The following FREM2 variants were observed in gnomAD, a reference collection of about 807,000 sequenced individuals.
FREM2 encodes the protein FRAS1-related extracellular matrix protein 2.
Under a neutral mutation model 219.9 loss-of-function variants are expected in FREM2, and 119 were observed. That is an observed-to-expected ratio of 0.54 (90% CI 0.47 to 0.63). The LOEUF is 0.63. FREM2 is among the 30% of genes least tolerant of loss of function. The probability of loss-of-function intolerance (pLI) is 0.00; values close to 1 mark genes in which losing one functional copy is unlikely to be tolerated. For synonymous variants in FREM2, 1,562 were observed against 1,522.8 expected (o/e 1.03, Z -0.60); for missense variants, 4,030 against 3,993.6 (o/e 1.01, Z -0.25).
At position 38,689,998 on chromosome 13, in the gene FREM2, A is replaced by G. The variant is rs1282148835; in HGVS notation, c.2654A>G (p.His885Arg). ...GHMRVSGQILHVGGLFHLEDI... is the reference protein window; with the variant it reads ...GHMRVSGQILRVGGLFHLEDI... ...ATGAGAGTGTCTGGACAGATCCTGC[A>G]TGTAGGGGGTCTCTTCCACTTGGAG... Residue 885 changes from histidine (H) to arginine (R), a missense_variant, in exon 1 of 24, where the codon CAT becomes CGT. Physicochemically the swap from His to Arg is conservative, Grantham distance 29. This residue lies in a region of FREM2 where 3,102 missense variants were observed against 2,950.7 expected (regional missense o/e 1.05). Coordinates refer to ENST00000280481, the MANE Select transcript of FREM2 (RefSeq NM_207361.6). 1.2e-6 allele frequency: 2 copies of G among 1,613,932 alleles called. No homozygotes were observed. Among genetic ancestry groups the G allele is most frequent in the Non-Finnish European group, 8.5e-7 (1 of 1,180,008 alleles).
intron 6 of FREM2, among the ~76,000 whole-genome samples, chr13:38,827,020 C>T (rs1294912681): frequency 6.6e-6 from 1 of 152,076 alleles, no homozygotes; most frequent in Non-Finnish European, 1.5e-5. Flanking sequence ...ATCAGATTCT[C>T]ATTACACATC....
At chr13:38,810,705 T>C (rs1875443323) in intron 6 of FREM2, among the ~76,000 whole-genome samples, 1 of 152,106 alleles carries the variant, frequency 6.6e-6, no homozygotes, top group African/African-American at 2.4e-5. Flanking sequence ...AATATATTAT[T>C]AAATTTGGTT....
chr13:38,811,013 T>G (rs1875453786), intron 6 of FREM2, among the ~76,000 whole-genome samples: 1 of 152,052 alleles, frequency 6.6e-6, no homozygotes, highest in South Asian at 2.1e-4. Flanking sequence ...TTGAGATTTC[T>G]ACACAGTTCA....
At chr13:38,705,306 G>A (rs1265721303) in intron 2 of FREM2, among the ~76,000 whole-genome samples, 1 of 152,112 alleles carries the variant, frequency 6.6e-6, no homozygotes, top group Non-Finnish European at 1.5e-5. Flanking sequence ...ATGATTCTGG[G>A]TTTTACAGCC....
At chr13:38,752,048 A>G (rs1477052565) in intron 2 of FREM2, among the ~76,000 whole-genome samples, 2 of 152,238 alleles carry the variant, frequency 1.3e-5, no homozygotes, top group South Asian at 2.1e-4. Context: ...AAATAATACT[A>G]CACGCTAAGC....
intron 4 of FREM2, among the ~76,000 whole-genome samples, chr13:38,773,944 A>T (rs1468891524): frequency 6.6e-6 from 1 of 151,666 alleles, no homozygotes; most frequent in African/African-American, 2.4e-5. Flanking sequence ...CCCAACTAAT[A>T]AGTGCCAGAG....
rs530142447 is a variant in FREM2 at position 38,691,082 on chromosome 13, G to A, written c.3738G>A (p.Thr1246=). 7.6e-5 allele frequency: 123 copies of A among 1,614,050 alleles called. 2 individuals carry two copies. In the South Asian group the frequency reaches 1.1e-3, roughly 15 times the overall value. ...GHIMNQLING[T]VLVESFTLDQ... ...TCATGAATCAGCTGATAAATGGCACGGTTTTGGTCGAAAGCTTCACCTTGG... is the reference window on the plus strand; with the variant it reads ...TCATGAATCAGCTGATAAATGGCACAGTTTTGGTCGAAAGCTTCACCTTGG... The change falls in exon 1 of 24, where the codon ACG becomes ACA. Residue 1246 remains threonine, a synonymous_variant. Coordinates refer to ENST00000280481, the MANE Select transcript of FREM2 (RefSeq NM_207361.6).
intron 12 of FREM2, among the ~76,000 whole-genome samples, chr13:38,857,218 A>G (rs548928361): frequency 6.6e-6 from 1 of 152,320 alleles, no homozygotes; most frequent in South Asian, 2.1e-4. Context: ...ATATACACGT[A>G]AAGATAGTTC....
chr13:38,846,696 G>A lies in FREM2; in HGVS notation c.6143G>A (p.Arg2048Gln), dbSNP rs376956808. 6.3e-5 allele frequency: 101 copies of A among 1,613,588 alleles called. No individual in the cohort carries two copies. The highest frequency in any genetic ancestry group is 8.3e-5 in the Admixed American group (5 of 59,978). Residue 2048 changes from arginine to glutamine, a missense_variant, in exon 7 of 24, where the codon CGG becomes CAG. Transcript: ENST00000280481. ...TCTTCTAGTGTCACAGTGAGGTCTC[G>A]GAAAACAGATCCTCCCTCTGCAGAT... Reference protein sequence around the residue: ...SKSSSVTVRSRKTDPPSADAG... With the variant: ...SKSSSVTVRSQKTDPPSADAG...
intron 6 of FREM2, among the ~76,000 whole-genome samples, chr13:38,813,345 A>C: frequency 6.6e-6 from 1 of 151,652 alleles, no homozygotes; most frequent in Admixed American, 6.6e-5. Flanking sequence ...ATTCTAGGGT[A>C]AAAGGTTTTT....
intron 2 of FREM2, among the ~76,000 whole-genome samples, chr13:38,749,823 C>G (rs1359437240): frequency 1.3e-5 from 2 of 152,200 alleles, no homozygotes; most frequent in East Asian, 3.9e-4. Context: ...TATTCACTTT[C>G]CAAGTCTGCT....
At chr13:38,739,699 G>A (rs1464084259) in intron 2 of FREM2, among the ~76,000 whole-genome samples, 1 of 152,074 alleles carries the variant, frequency 6.6e-6, no homozygotes, top group Non-Finnish European at 1.5e-5. Flanking sequence ...ACATCACCCA[G>A]GACGGAGAGC....
At chr13:38,819,633 C>G (rs1875942876) in intron 6 of FREM2, among the ~76,000 whole-genome samples, 1 of 152,080 alleles carries the variant, frequency 6.6e-6, no homozygotes. Context: ...TTTTTTAGGG[C>G]TTTGTAGATA....
intron 2 of FREM2, among the ~76,000 whole-genome samples, chr13:38,705,431 CT>C (rs1870500293): frequency 6.6e-6 from 1 of 152,152 alleles, no homozygotes; most frequent in Admixed American, 6.5e-5. Flanking sequence ...AGACCTCTTA[CT>C]TCTTTGAAAT....
intron 21 of FREM2, 133 bp downstream of exon 21, chr13:38,877,376 C>A (rs1229814693): frequency 2.0e-6 from 2 of 991,856 alleles, no homozygotes; most frequent in African/African-American, 3.2e-5. Flanking sequence ...GGGTCTTTAC[C>A]CACTCTGGCT....
At chr13:38,807,876 G>GC (rs1281634874) in intron 6 of FREM2, among the ~76,000 whole-genome samples, 6 of 151,914 alleles carry the variant, frequency 3.9e-5, no homozygotes, top group African/African-American at 1.4e-4. Context: ...AGCTGCATTA[G>GC]CCCCTAATAA....
At chr13:38,697,002 G>C (rs929671401) in intron 1 of FREM2, among the ~76,000 whole-genome samples, 1 of 151,908 alleles carries the variant, frequency 6.6e-6, no homozygotes, top group African/African-American at 2.4e-5. Context: ...GTTTCACCAT[G>C]TTGGCCAGGC....
chr13:38,719,776 C>A (rs917019089), intron 2 of FREM2, among the ~76,000 whole-genome samples: 17 of 152,174 alleles, frequency 1.1e-4, no homozygotes, highest in African/African-American at 4.1e-4. Context: ...ACCACAGTCA[C>A]CCTACTTGTT....
intron 2 of FREM2, among the ~76,000 whole-genome samples, chr13:38,744,667 T>C (rs1239338890): frequency 6.6e-6 from 1 of 152,098 alleles, no homozygotes; most frequent in East Asian, 1.9e-4. Context: ...AAGTTTTGTA[T>C]TTTTAGTAGA....
Sources: gnomAD v4.1 joint callset for allele counts (sites outside exome capture counted in the v4.1 genomes callset) on GRCh38, gnomAD v4.1.1 for gene constraint, gnomAD v4.1.1 regional missense constraint, MANE v1.5 for transcripts, NCBI Gene and HGNC (gene_info 2026-07-23, HGNC 2026-07-21) for gene names.